The following RPLP1 variants were observed in gnomAD, a reference collection of about 807,000 sequenced individuals.
RPLP1 encodes ribosomal protein lateral stalk subunit P1, also known as large ribosomal subunit protein P1.
A neutral mutation model predicts 11.6 loss-of-function variants in RPLP1; 4 were observed. The observed-to-expected ratio is 0.34, with a 90% CI of 0.17 to 0.79. The LOEUF is 0.79. Among genes scored for constraint, RPLP1 ranks in the 30% least tolerant of loss-of-function variants. RPLP1 has a pLI of 0.55. For missense variants in RPLP1, 133 were observed against 142.8 expected, an observed-to-expected ratio of 0.93 and a Z score of 0.35; for synonymous variants, 54 against 52.2, an observed-to-expected ratio of 1.03 and a Z score of -0.15.
intron 1 of RPLP1, chr15:69,453,401 G>A: frequency 1.7e-6 from 1 of 587,274 alleles, no homozygotes; most frequent in Non-Finnish European, 3.0e-6. Flanking sequence ...GAAGGCGCCC[G>A]AGCTCGGCTC....
rs1340554356 is a variant in RPLP1 at position 69,453,291 on chromosome 15, C to G, written c.72+271C>G. 23 of 579,754 alleles carry G rather than the reference C, an allele frequency of 4.0e-5. No homozygotes were observed. In the East Asian group the frequency reaches 6.8e-4, roughly 17 times the overall value. 35.9% of individuals were successfully genotyped at this position (579,754 alleles called of 1,614,324 possible). A position where few individuals can be genotyped will look rare whatever the true frequency, so the allele number is the denominator to read the frequency against. ...AGAGCCTTCGTGTAGAAAAGCTCTT[C>G]CGCAGTGCTTGGGCACCCTGACCCG... is the stretch of plus-strand genomic sequence containing the variant. On this transcript the variant is annotated intron_variant, in intron 1 of 3. Coordinates refer to ENST00000260379, the MANE Select transcript of RPLP1 (RefSeq NM_001003.3).
chr15:69,453,482 G>A (rs1892384735), intron 1 of RPLP1, 165 bp from the exon 2 acceptor site: 2 of 717,464 alleles, frequency 2.8e-6, no homozygotes, highest in Non-Finnish European at 4.8e-6. Context: ...AAACAGCAGT[G>A]ATGGGCTCGC....
At chr15:69,453,213 C>T in intron 1 of RPLP1, 193 bp downstream of exon 1, 1 of 605,538 alleles carries the variant, frequency 1.7e-6, no homozygotes, top group Non-Finnish European at 2.9e-6. Flanking sequence ...CCCGGGACCA[C>T]GTGCGGGCCC....
rs1892424333 is a variant in RPLP1 at position 69,455,611 on chromosome 15, G to C, written c.*104G>C. 1 of 843,384 alleles carries C rather than the reference G, an allele frequency of 1.2e-6. No individual in the cohort carries two copies. The highest frequency in any genetic ancestry group is 1.8e-6 in the Non-Finnish European group (1 of 549,118). The allele number at this position is 843,384 out of a possible 1,614,324, so 52.2% of individuals were successfully genotyped here. A position where few individuals can be genotyped will look rare whatever the true frequency, so the allele number is the denominator to read the frequency against. On this transcript the variant is annotated 3_prime_UTR_variant, in exon 4 of 4. Coordinates refer to ENST00000260379, the MANE Select transcript of RPLP1 (RefSeq NM_001003.3). ...CAAAAATGGTCTGTTTTGTAATGTT[G>C]GCTTTCAGCCTATTCTGCCATGACA...
At chr15:69,453,555 A>G (rs1567087586) in intron 1 of RPLP1, 92 bp from the exon 2 acceptor site, 12 of 1,363,644 alleles carry the variant, frequency 8.8e-6, no homozygotes, top group Non-Finnish European at 9.4e-6. Context: ...AGCTGGTTAA[A>G]CATGTTATGT....
chr15:69,452,820 C>G lies in RPLP1; in HGVS notation c.-129C>G, dbSNP rs779407119. 58 of 836,474 alleles carry G rather than the reference C, an allele frequency of 6.9e-5. No individual in the cohort carries two copies. Among genetic ancestry groups the G allele is most frequent in the African/African-American group, 1.5e-4 (9 of 59,844 alleles). 51.8% of individuals were successfully genotyped at this position (836,474 alleles called of 1,614,324 possible). A position where few individuals can be genotyped will look rare whatever the true frequency, so the allele number is the denominator to read the frequency against. ...GAGGCTGCGTATAGGCGCGAGAGCCCCTTTCCTCAGCTGCCGCCAAGGTGC... is the reference window on the plus strand; with the variant it reads ...GAGGCTGCGTATAGGCGCGAGAGCCGCTTTCCTCAGCTGCCGCCAAGGTGC... On this transcript the variant is annotated 5_prime_UTR_variant, in exon 1 of 4. Coordinates refer to ENST00000260379, the MANE Select transcript of RPLP1 (RefSeq NM_001003.3).
At chr15:69,453,750 G>T in intron 2 of RPLP1, 29 bp downstream of exon 2, 2 of 1,613,024 alleles carry the variant, frequency 1.2e-6, no homozygotes, top group Non-Finnish European at 1.7e-6. Context: ...AGTGATTGTG[G>T]TAAGGCCTGC....
At chr15:69,453,875 A>T in intron 2 of RPLP1, 154 bp downstream of exon 2, 1 of 679,552 alleles carries the variant, frequency 1.5e-6, no homozygotes, top group Non-Finnish European at 2.6e-6. Flanking sequence ...AGGAGCTAAT[A>T]AGATTTCAGC....
chr15:69,455,222 G>A lies in RPLP1; in HGVS notation c.200G>A (p.Gly67Glu), dbSNP rs1426797703. ...GSLICNVGAG[G>E]PAPAAGAAPA... Reference sequence around the variant, plus strand: ...CTCATCTGCAATGTAGGGGCCGGTGGACCTGCTCCAGCAGCTGGTGCTGCA... The same window carrying A: ...CTCATCTGCAATGTAGGGGCCGGTGAACCTGCTCCAGCAGCTGGTGCTGCA... The change falls in exon 3 of 4, where the codon GGA becomes GAA. Residue 67 changes from glycine to glutamate, a missense_variant. Transcript: ENST00000260379. The A allele has an allele frequency of 6.2e-7, 1 of 1,607,264 alleles. No homozygotes were observed. The highest frequency in any genetic ancestry group is 2.2e-5 in the East Asian group (1 of 44,746).
chr15:69,454,000 G>C (rs1361940175), intron 2 of RPLP1: 2 of 478,502 alleles, frequency 4.2e-6, no homozygotes, highest in East Asian at 3.6e-5. Context: ...TCGGGAGATA[G>C]GTACTACGCA....
intron 1 of RPLP1, 24 bp from the exon 2 acceptor site, chr15:69,453,623 G>A: frequency 6.2e-7 from 1 of 1,613,000 alleles, no homozygotes; most frequent in Non-Finnish European, 8.5e-7. Context: ...CGTTTTGATG[G>A]ATTGACGTTT....
Position 69,455,576 on chromosome 15 carries a change from ATGTGCTCTGC to A in RPLP1, c.*70_*79del. The A allele has an allele frequency of 1.7e-6, 2 of 1,194,146 alleles. No individual in the cohort carries two copies. Among genetic ancestry groups the A allele is most frequent in the Admixed American group, 4.4e-5 (2 of 45,724 alleles). 74.0% of individuals were successfully genotyped at this position (1,194,146 alleles called of 1,614,324 possible). A position where few individuals can be genotyped will look rare whatever the true frequency, so the allele number is the denominator to read the frequency against. ...TGTTGGTCTTGTCCATAGTTTTGGAATGTGCTCTGCAAAAATGGTCTGTTTTGTAATGTTG... is the reference window on the plus strand; with the variant it reads ...TGTTGGTCTTGTCCATAGTTTTGGAAAAAAATGGTCTGTTTTGTAATGTTG... On this transcript the variant is annotated 3_prime_UTR_variant, in exon 4 of 4. Coordinates refer to ENST00000260379, the MANE Select transcript of RPLP1 (RefSeq NM_001003.3).
intron 2 of RPLP1, chr15:69,453,932 T>C (rs1892395345): frequency 5.3e-6 from 3 of 570,820 alleles, no homozygotes; most frequent in Non-Finnish European, 9.3e-6. Context: ...TCCCTTTTGC[T>C]CTGAAACCAT....
intron 3 of RPLP1, 67 bp downstream of exon 3, chr15:69,455,354 C>A: frequency 6.5e-7 from 1 of 1,541,174 alleles, no homozygotes; most frequent in Non-Finnish European, 8.7e-7. Flanking sequence ...GTATTATAGA[C>A]AAAATTGCCA....
chr15:69,455,996 G>A lies in RPLP1; in HGVS notation c.*489G>A, dbSNP rs1463912. On this transcript the variant is annotated 3_prime_UTR_variant, in exon 4 of 4. Transcript: ENST00000260379. ...TCACCAAATGTTTGGGAGTTTTATG[G>A]TAACACTGAAGGAGTGCAGAAAGTT... The A allele has an allele frequency of 0.85, 130,392 of 152,592 alleles. 57,353 individuals are homozygous for A. Among genetic ancestry groups the A allele is most frequent in the Non-Finnish European group, 0.97 (66,587 of 68,358 alleles). The allele number at this position is 152,592 out of a possible 1,614,324, so 9.5% of individuals were successfully genotyped here.
Position 69,453,120 on chromosome 15 carries a change from G to A in RPLP1, c.72+100G>A, listed in dbSNP as rs2140435171. ...CCAGGCCGTTCGACTGAGCACTTCCGGCCGGGGCCAGGCCGCGAACACAGG... is the reference window on the plus strand; with the variant it reads ...CCAGGCCGTTCGACTGAGCACTTCCAGCCGGGGCCAGGCCGCGAACACAGG... On this transcript the variant is annotated intron_variant, in intron 1 of 3. Transcript: ENST00000260379. 4 of 1,139,304 alleles carry A rather than the reference G, an allele frequency of 3.5e-6. 1 individual carries two copies. Among genetic ancestry groups the A allele is most frequent in the South Asian group, 2.7e-5 (2 of 75,116 alleles). 70.6% of individuals were successfully genotyped at this position (1,139,304 alleles called of 1,614,324 possible).
In RPLP1 at chr15:69,455,740, T is replaced by G. The variant is rs769295132; in HGVS notation, c.*233T>G. The G allele has an allele frequency of 1.9e-6, 1 of 536,856 alleles. No homozygotes were observed. The highest frequency in any genetic ancestry group is 3.3e-6 in the Non-Finnish European group (1 of 304,150). The allele number at this position is 536,856 out of a possible 1,614,324, so 33.3% of individuals were successfully genotyped here. ...TACAGTGTTGAAAACTGCACTGGGG[T>G]GGCAGGAGGAAGGATCAGAGCAGAT... On this transcript the variant is annotated 3_prime_UTR_variant, in exon 4 of 4. Transcript: ENST00000260379.
chr15:69,452,863 G>T lies in RPLP1; in HGVS notation c.-86G>T. ...CAAGGTGCTCGGTCCTTCCGAGGAA[G>T]CTAAGGCTGCGTTGGGGTGAGGCCC... is the stretch of plus-strand genomic sequence containing the variant. On this transcript the variant is annotated 5_prime_UTR_variant, in exon 1 of 4. Transcript: ENST00000260379. 7.8e-7 allele frequency: 1 copy of T among 1,286,448 alleles called. No individual in the cohort carries two copies. The highest frequency in any genetic ancestry group is 1.1e-6 in the Non-Finnish European group (1 of 916,972). The allele number at this position is 1,286,448 out of a possible 1,614,324, so 79.7% of individuals were successfully genotyped here.
In RPLP1 at chr15:69,453,739, A is replaced by G; in HGVS notation, c.147+18A>G. 6.2e-7 allele frequency: 1 copy of G among 1,614,066 alleles called. No homozygotes were observed. On this transcript the variant is annotated intron_variant, in intron 2 of 3. Coordinates refer to ENST00000260379, the MANE Select transcript of RPLP1 (RefSeq NM_001003.3). Reference sequence around the variant, plus strand: ...TTGCAAAGGTAAGGTGATGGTGGCAAAGTGATTGTGGTAAGGCCTGCTGAT... The same window carrying G: ...TTGCAAAGGTAAGGTGATGGTGGCAGAGTGATTGTGGTAAGGCCTGCTGAT...
Sources: gnomAD v4.1 joint callset for allele counts on GRCh38, gnomAD v4.1.1 for gene constraint, MANE v1.5 for transcripts, NCBI Gene and HGNC (gene_info 2026-07-23, HGNC 2026-07-21) for gene names.